TRPC4AP: variants seen among roughly 807,000 people sequenced by gnomAD.
The protein encoded by TRPC4AP is short transient receptor potential channel 4-associated protein.
A neutral mutation model predicts 99.0 loss-of-function variants in TRPC4AP; 45 were observed. The observed-to-expected ratio is 0.45, with a 90% CI of 0.36 to 0.58. TRPC4AP has a LOEUF of 0.58. Ranked by LOEUF, TRPC4AP falls within the 20% of genes least tolerant of loss-of-function variation. The pLI, the probability that TRPC4AP is intolerant of heterozygous loss-of-function variation, is 0.00. For missense variants in TRPC4AP, 879 were observed against 985.3 expected (o/e 0.89, Z 1.44); for synonymous variants, 408 against 385.8 (o/e 1.06, Z -0.67).
chr20:35,033,061 G>A (rs766897214), intron 8 of TRPC4AP, among the ~76,000 whole-genome samples: 1 of 151,992 alleles, frequency 6.6e-6, no homozygotes, highest in Non-Finnish European at 1.5e-5. Flanking sequence ...GCCGGGTGTG[G>A]TGGCATGCAC....
intron 11 of TRPC4AP, 25 bp from the exon 12 acceptor site, chr20:35,010,313 G>A (rs1249243938): frequency 1.9e-6 from 3 of 1,602,172 alleles, no homozygotes; most frequent in African/African-American, 2.7e-5. Flanking sequence ...GTTGGAGGAG[G>A]TAAAGGACAG....
chr20:35,022,373 C>T (rs2082911757), intron 8 of TRPC4AP, among the ~76,000 whole-genome samples: 1 of 152,140 alleles, frequency 6.6e-6, no homozygotes, highest in Non-Finnish European at 1.5e-5. Flanking sequence ...CCGGGCTGGT[C>T]TTGAACTCCT....
At position 35,069,404 on chromosome 20, in the gene TRPC4AP, A is replaced by G; in HGVS notation, c.306T>C (p.Ser102=). 6.2e-7 allele frequency: 1 copy of G among 1,602,490 alleles called. No homozygotes were observed. Among genetic ancestry groups the G allele is most frequent in the Middle Eastern group, 1.7e-4 (1 of 6,034 alleles). The change falls in exon 3 of 19, where the codon TCT becomes TCC. Residue 102 remains serine (S), a synonymous_variant. Transcript: ENST00000252015. The stretch of plus-strand genomic sequence containing the variant: ...CCATAGCCTCCATGGAGAGAAGAGG[A>G]GAAATTTCCTAGTTTTTTTAAAAAA... ...VECQNILKEI[S]PLLSMEAMAF...
Position 35,003,562 on chromosome 20 carries a change from T to C in TRPC4AP, c.2104A>G (p.Lys702Glu). ...SLVILMLARR[K>E]ERLPLYLRLL... ...CGCAGGTACAGGGGCAGCCGCTCTT[T>C]CCGTCGGGCCAGCATCAGGATCACC... is the stretch of plus-strand genomic sequence containing the variant. Residue 702 changes from lysine (K) to glutamate (E), a missense_variant, in exon 18 of 19, where the codon AAA becomes GAA. By Grantham distance (56) the Lys-to-Glu change is moderately conservative (BLOSUM62 1). Coordinates refer to ENST00000252015, the MANE Select transcript of TRPC4AP (RefSeq NM_015638.3). 1 of 1,613,926 alleles carries C rather than the reference T, an allele frequency of 6.2e-7. No homozygotes were observed.
chr20:35,005,665 ACTTGC>A, intron 16 of TRPC4AP, 25 bp downstream of exon 16: 1 of 1,599,040 alleles, frequency 6.3e-7, no homozygotes, highest in Non-Finnish European at 8.6e-7. Context: ...ACCCTGCATG[ACTTGC>A]CTTGACAGCC....
chr20:35,030,099 G>C (rs1465179551), intron 8 of TRPC4AP, among the ~76,000 whole-genome samples: 2 of 150,950 alleles, frequency 1.3e-5, no homozygotes, highest in African/African-American at 4.8e-5. Flanking sequence ...AAATTAGCTG[G>C]GCATGGTGGC....
intron 1 of TRPC4AP, among the ~76,000 whole-genome samples, chr20:35,081,419 C>A (rs1416779678): frequency 6.6e-6 from 1 of 151,800 alleles, no homozygotes; most frequent in Non-Finnish European, 1.5e-5. Context: ...GTAGCTGAGG[C>A]AGGAGGATCC....
intron 8 of TRPC4AP, among the ~76,000 whole-genome samples, chr20:35,024,011 T>A (rs1364988881): frequency 6.6e-6 from 1 of 152,178 alleles, no homozygotes; most frequent in South Asian, 2.1e-4. Context: ...AGGATGAGGA[T>A]GGGAAAACCA....
intron 3 of TRPC4AP, among the ~76,000 whole-genome samples, chr20:35,059,374 C>T (rs2083919653): frequency 1.3e-5 from 2 of 152,156 alleles, no homozygotes; most frequent in African/African-American, 4.8e-5. Flanking sequence ...TAAGAAGAAA[C>T]AGAGGCTGAG....
chr20:35,025,866 T>A (rs2083017156), intron 8 of TRPC4AP, among the ~76,000 whole-genome samples: 1 of 152,244 alleles, frequency 6.6e-6, no homozygotes, highest in Admixed American at 6.5e-5. Context: ...TCCAAGGTCA[T>A]GAAGCTTTAT....
At chr20:35,020,994 G>A (rs946307462) in intron 9 of TRPC4AP, among the ~76,000 whole-genome samples, 196 bp downstream of exon 9, 4 of 152,204 alleles carry the variant, frequency 2.6e-5, no homozygotes, top group African/African-American at 4.8e-5. Flanking sequence ...CATACAGCAA[G>A]GCACAGTGAA....
chr20:35,051,478 A>C (rs2083699346), intron 5 of TRPC4AP, among the ~76,000 whole-genome samples: 4 of 152,052 alleles, frequency 2.6e-5, no homozygotes, highest in Admixed American at 2.6e-4. Flanking sequence ...TGGCAAATTT[A>C]ATTTTCAAAG....
At chr20:35,025,060 C>G (rs2082995797) in intron 8 of TRPC4AP, among the ~76,000 whole-genome samples, 1 of 152,080 alleles carries the variant, frequency 6.6e-6, no homozygotes, top group African/African-American at 2.4e-5. Context: ...AGACTCTTTT[C>G]TAAAGTGGCT....
Position 35,092,787 on chromosome 20 carries a change from C to G in TRPC4AP, c.-6G>C, listed in dbSNP as rs903035065. 5.9e-6 allele frequency: 9 copies of G among 1,527,012 alleles called. No individual in the cohort carries two copies. Among genetic ancestry groups the G allele is most frequent in the Non-Finnish European group, 5.2e-6 (6 of 1,149,826 alleles). 94.6% of individuals were successfully genotyped at this position (1,527,012 alleles called of 1,614,324 possible). A position where few individuals can be genotyped will look rare whatever the true frequency, so the allele number is the denominator to read the frequency against. On this transcript the variant is annotated 5_prime_UTR_variant, in exon 1 of 19. Transcript: ENST00000252015. ...GCTACCGGCGCCGCCGCCATGTCTC[C>G]TCGTCGGACAAACAGGAAGCAAGCG...
intron 1 of TRPC4AP, among the ~76,000 whole-genome samples, chr20:35,086,475 G>A (rs8124075): frequency 0.7 from 81,168 of 115,180 alleles, 29,308 homozygotes; most frequent in Middle Eastern, 0.79. Context: ...GTGTGTGTGT[G>A]TATGTGTGTG....
intron 8 of TRPC4AP, among the ~76,000 whole-genome samples, chr20:35,026,699 C>A (rs572852383): frequency 6.6e-6 from 1 of 152,238 alleles, no homozygotes; most frequent in African/African-American, 2.4e-5. Flanking sequence ...TTTTCTGATT[C>A]AAAGACATGG....
At chr20:35,015,143 G>A (rs531551594) in intron 10 of TRPC4AP, among the ~76,000 whole-genome samples, 10 of 145,244 alleles carry the variant, frequency 6.9e-5, no homozygotes, top group South Asian at 2.3e-4. Context: ...GGGATTACAG[G>A]TGCCCCACCA....
chr20:35,004,315 T>C (rs546358148), intron 17 of TRPC4AP, 143 bp downstream of exon 17: 3 of 704,018 alleles, frequency 4.3e-6, no homozygotes, highest in African/African-American at 1.8e-5. Context: ...GGGACACTGA[T>C]TCCTCCTGAG....
chr20:35,007,042 C>T (rs1275319721), intron 14 of TRPC4AP, among the ~76,000 whole-genome samples: 1 of 152,218 alleles, frequency 6.6e-6, no homozygotes, highest in African/African-American at 2.4e-5. Flanking sequence ...CACCAAAATA[C>T]TGAGTTTTCA....
Sources: gnomAD v4.1 joint callset for allele counts (sites outside exome capture counted in the v4.1 genomes callset) on GRCh38, gnomAD v4.1.1 for gene constraint, MANE v1.5 for transcripts, NCBI Gene and HGNC (gene_info 2026-07-23, HGNC 2026-07-21) for gene names.